COG5: variants seen among roughly 807,000 people sequenced by gnomAD.
COG5 encodes conserved oligomeric Golgi complex subunit 5.
In COG5, 86 loss-of-function variants were observed where a neutral mutation model predicts 110.4. The observed-to-expected ratio is 0.78, with a 90% confidence interval of 0.65 to 0.93. The LOEUF (loss-of-function observed/expected upper bound fraction) is 0.93. COG5 is among the 40% of genes least tolerant of loss of function. The probability of loss-of-function intolerance (pLI) is 0.00; values close to 1 mark genes in which losing one functional copy is unlikely to be tolerated. For synonymous variants in COG5, 360 were observed against 334.6 expected (o/e 1.08, Z -0.83); for missense variants, 1,077 against 987.0 (o/e 1.09, Z -1.22).
At chr7:107,309,573 T>C (rs192569726) in intron 11 of COG5, among the ~76,000 whole-genome samples, 96 of 152,208 alleles carry the variant, frequency 6.3e-4, no homozygotes, top group African/African-American at 2.2e-3. Flanking sequence ...AAAGAGTTCA[T>C]GGGTTGTGGG....
chr7:107,293,028 A>T (rs1335201442), intron 12 of COG5, among the ~76,000 whole-genome samples: 1 of 152,124 alleles, frequency 6.6e-6, no homozygotes, highest in Non-Finnish European at 1.5e-5. Context: ...GCATCTTGTT[A>T]TTGGGCAGCA....
intron 6 of COG5, among the ~76,000 whole-genome samples, chr7:107,432,841 G>A (rs1411373102): frequency 2.6e-5 from 4 of 151,790 alleles, no homozygotes; most frequent in African/African-American, 9.7e-5. Flanking sequence ...GAACAATTAG[G>A]CAAGAAAAGA....
chr7:107,496,828 C>A (rs1798307585), intron 6 of COG5, among the ~76,000 whole-genome samples: 1 of 152,020 alleles, frequency 6.6e-6, no homozygotes, highest in Admixed American at 6.6e-5. Flanking sequence ...AGAAAAACTT[C>A]CTTAACACAA....
At chr7:107,464,741 G>GTA (rs1217228200) in intron 6 of COG5, among the ~76,000 whole-genome samples, 3 of 152,086 alleles carry the variant, frequency 2.0e-5, no homozygotes, top group African/African-American at 7.2e-5. Flanking sequence ...CCAAAGAACT[G>GTA]TATTACCCAT....
chr7:107,311,823 T>C (rs1808299020), intron 11 of COG5, among the ~76,000 whole-genome samples: 1 of 152,154 alleles, frequency 6.6e-6, no homozygotes, highest in Non-Finnish European at 1.5e-5. Context: ...TTTTTCCTTT[T>C]TTTTTGCTCA....
At chr7:107,282,815 C>T (rs1805290783) in intron 13 of COG5, among the ~76,000 whole-genome samples, 1 of 152,120 alleles carries the variant, frequency 6.6e-6, no homozygotes, top group East Asian at 1.9e-4. Context: ...GCCTGGCCAC[C>T]TGTGGCTTTT....
intron 10 of COG5, among the ~76,000 whole-genome samples, chr7:107,359,210 C>G (rs752026939): frequency 1.3e-5 from 2 of 152,228 alleles, no homozygotes; most frequent in Non-Finnish European, 2.9e-5. Context: ...CCTGCTCCCA[C>G]TGCCTGGCCT....
chr7:107,396,537 G>C (rs1477769019), intron 7 of COG5, among the ~76,000 whole-genome samples: 1 of 113,290 alleles, frequency 8.8e-6, no homozygotes, highest in Non-Finnish European at 1.7e-5. Context: ...GGTGAGGAGT[G>C]GGGGGTGGGA....
chr7:107,444,183 T>G (rs1794877197), intron 6 of COG5, among the ~76,000 whole-genome samples: 1 of 152,198 alleles, frequency 6.6e-6, no homozygotes, highest in Non-Finnish European at 1.5e-5. Flanking sequence ...CTCAGTTCTA[T>G]AAGTCTCTAT....
chr7:107,363,139 G>A (rs1296109969), intron 8 of COG5, among the ~76,000 whole-genome samples: 4 of 152,092 alleles, frequency 2.6e-5, no homozygotes, highest in Non-Finnish European at 4.4e-5. Flanking sequence ...GGAATCAGAG[G>A]TATTTCCCCA....
intron 12 of COG5, among the ~76,000 whole-genome samples, chr7:107,297,516 T>C (rs1395852384): frequency 7.0e-6 from 1 of 143,452 alleles, no homozygotes; most frequent in Non-Finnish European, 1.5e-5. Flanking sequence ...TGACGTGATC[T>C]CAGCTCACTG....
chr7:107,528,174 C>T (rs1800910161), intron 5 of COG5, among the ~76,000 whole-genome samples: 1 of 152,008 alleles, frequency 6.6e-6, no homozygotes, highest in Non-Finnish European at 1.5e-5. Flanking sequence ...TCACTGCAAC[C>T]TCTACCTCCT....
intron 5 of COG5, among the ~76,000 whole-genome samples, chr7:107,533,991 A>G (rs1801397977): frequency 6.6e-6 from 1 of 151,682 alleles, no homozygotes; most frequent in African/African-American, 2.4e-5. Context: ...TACAAGCCAG[A>G]AGAGAGTAGC....
intron 14 of COG5, among the ~76,000 whole-genome samples, chr7:107,265,616 T>G (rs928206669): frequency 2.6e-5 from 4 of 152,212 alleles, no homozygotes; most frequent in African/African-American, 9.6e-5. Flanking sequence ...ATAGATTACC[T>G]GGTTCAGATT....
Position 107,563,807 on chromosome 7 carries a change from C to G in COG5, c.90G>C (p.Gln30His). 6.2e-7 allele frequency: 1 copy of G among 1,613,896 alleles called. No individual in the cohort carries two copies. The highest frequency in any genetic ancestry group is 8.5e-7 in the Non-Finnish European group (1 of 1,179,884). ...AAAATVRELL[Q>H]DGCYSDFLNE... ...GGTCAGACCCCGTCTCCTTACCGTC[C>G]TGCAGAAGTTCCCGGACTGTAGCTG... Residue 30 changes from glutamine to histidine, a missense_variant, in exon 1 of 22, where the codon CAG becomes CAC. Transcript: ENST00000297135.
rs1247654113 is a variant in COG5 at position 107,474,659 on chromosome 7, C to G, written c.538+52578G>C. On this transcript the variant is annotated intron_variant, in intron 6 of 21. Coordinates refer to ENST00000297135, the MANE Select transcript of COG5 (RefSeq NM_006348.5). This position sits in a 1 kb window ranked among gnomAD's most constrained non-coding sequence, Gnocchi z 5.7. ...AACAAGACACTTTTATGTGTCAGTA[C>G]AAATGAATACTACACTGAACTGGGA... 6.2e-7 allele frequency: 1 copy of G among 1,608,948 alleles called. No homozygotes were observed. The highest frequency in any genetic ancestry group is 1.1e-5 in the South Asian group (1 of 90,898).
At chr7:107,553,059 T>C (rs6947674) in intron 3 of COG5, among the ~76,000 whole-genome samples, 20,546 of 152,112 alleles carry the variant, frequency 0.14, 1,571 homozygotes, top group Non-Finnish European at 0.17. Flanking sequence ...GAGCTAAACA[T>C]TGGGTACTCA....
chr7:107,545,551 A>T (rs1802349899), intron 5 of COG5, among the ~76,000 whole-genome samples: 1 of 152,120 alleles, frequency 6.6e-6, no homozygotes, highest in African/African-American at 2.4e-5. Context: ...AGGCCAAGGC[A>T]GGCAGATCAC....
intron 2 of COG5, among the ~76,000 whole-genome samples, chr7:107,554,820 C>A (rs1563098077): frequency 6.6e-6 from 1 of 152,070 alleles, no homozygotes; most frequent in Non-Finnish European, 1.5e-5. Flanking sequence ...GCACTAAACC[C>A]TAGTAAGAGC....
Sources: gnomAD v4.1 joint callset for allele counts (sites outside exome capture counted in the v4.1 genomes callset) on GRCh38, gnomAD v4.1.1 for gene constraint, Gnocchi (gnomAD v3.1) non-coding constraint, MANE v1.5 for transcripts, NCBI Gene and HGNC (gene_info 2026-07-23, HGNC 2026-07-21) for gene names.